Variants in DDX27 observed in about 807,000 individuals in gnomAD.
DDX27 encodes the protein DEAD-box helicase 27.
DDX27 carries 42 observed loss-of-function variants against 99.3 expected under a neutral mutation model. That is an observed-to-expected ratio of 0.42 (90% CI 0.33 to 0.55). The LOEUF (loss-of-function observed/expected upper bound fraction) is 0.55. Ranked by LOEUF, DDX27 falls within the 20% of genes least tolerant of loss-of-function variation. DDX27 has a pLI of 0.07. For synonymous variants in DDX27, 329 were observed against 353.8 expected (o/e 0.93, Z 0.79); for missense variants, 798 against 976.8 (o/e 0.82, Z 2.44).
At chr20:49,225,542 A>G (rs977826539) in intron 6 of DDX27, among the ~76,000 whole-genome samples, 2 of 124,382 alleles carry the variant, frequency 1.6e-5, no homozygotes, top group Non-Finnish European at 3.2e-5. Flanking sequence ...TGCAACCTCC[A>G]CCTCCCGGGT....
At chr20:49,228,978 A>C in intron 8 of DDX27, 90 bp downstream of exon 8, 1 of 1,248,632 alleles carries the variant, frequency 8.0e-7, no homozygotes, top group South Asian at 1.7e-5. Flanking sequence ...TGTTGGTGAC[A>C]GGTGCCAGGA....
intron 7 of DDX27, among the ~76,000 whole-genome samples, chr20:49,227,609 C>T (rs547858640): frequency 6.6e-6 from 1 of 152,200 alleles, no homozygotes; most frequent in East Asian, 1.9e-4. Context: ...TCAAGTGATA[C>T]ACCTGCCTCA....
intron 6 of DDX27, among the ~76,000 whole-genome samples, 169 bp from the exon 7 acceptor site, chr20:49,226,261 C>T (rs142531267): frequency 1.3e-5 from 2 of 152,318 alleles, no homozygotes; most frequent in East Asian, 3.9e-4. Flanking sequence ...GCTGTGTCCT[C>T]AGTGTCTAGA....
intron 12 of DDX27, 137 bp downstream of exon 12, chr20:49,235,225 A>T: frequency 3.0e-6 from 3 of 990,884 alleles, no homozygotes; most frequent in African/African-American, 3.3e-5. Context: ...GAACATTTTA[A>T]CCTAACCACT....
At position 49,236,581 on chromosome 20, in the gene DDX27, G is replaced by A. The variant is rs1455099947; in HGVS notation, c.1687+71G>A. The A allele has an allele frequency of 2.1e-6, 3 of 1,429,396 alleles. No individual in the cohort carries two copies. The highest frequency in any genetic ancestry group is 2.5e-5 in the East Asian group (1 of 40,272). 88.5% of individuals were successfully genotyped at this position (1,429,396 alleles called of 1,614,324 possible). On this transcript the variant is annotated intron_variant, in intron 14 of 20. Coordinates refer to ENST00000618172, the MANE Select transcript of DDX27 (RefSeq NM_017895.8). This position sits in a 1 kb window ranked among gnomAD's most constrained non-coding sequence, Gnocchi z 4.1. ...GGCAAGGACAGAGTGTAATGGCTGA[G>A]AGCAGGTACTTTGCAGTTCAGAGCC... is the stretch of plus-strand genomic sequence containing the variant.
rs1425516244 is a variant in DDX27 at position 49,226,443 on chromosome 20, T to C, written c.614T>C (p.Met205Thr). Residue 205 changes from methionine to threonine, a missense_variant, in exon 7 of 21, where the codon ATG becomes ACG. By Grantham distance (81) the Met-to-Thr change is moderately conservative. Around this residue, in one of 2 missense-constraint regions of DDX27, gnomAD observed 245 missense variants for 248.8 expected, o/e 0.98. Transcript: ENST00000618172. ...SRPLLKAITA[M>T]GFKQPTPIQK... is the part of the protein sequence containing the mutation. ...TTTTTTCCTCAGGCCATTACAGCCA[T>C]GGGCTTCAAGCAGCCCACCCCGATC... The C allele has an allele frequency of 2.5e-6, 4 of 1,613,748 alleles. No individual in the cohort carries two copies. The African/African-American group carries it at 5.3e-5, about 22-fold the overall frequency.
intron 18 of DDX27, 62 bp from the exon 19 acceptor site, chr20:49,242,532 T>G: frequency 2.7e-6 from 4 of 1,504,452 alleles, no homozygotes; most frequent in Non-Finnish European, 3.7e-6. Flanking sequence ...ACCTTGAACT[T>G]AAGGGGATTT....
At chr20:49,229,112 A>G (rs1980008551) in intron 8 of DDX27, among the ~76,000 whole-genome samples, 1 of 140,176 alleles carries the variant, frequency 7.1e-6, no homozygotes, top group Non-Finnish European at 1.5e-5. Flanking sequence ...ATCTTGGCTC[A>G]CTGCAAGCTC....
At chr20:49,224,774 G>A (rs1354947447) in intron 4 of DDX27, 171 bp from the exon 5 acceptor site, 1 of 668,450 alleles carries the variant, frequency 1.5e-6, no homozygotes, top group Admixed American at 2.9e-5. Flanking sequence ...TCTGACCTTA[G>A]GCAAGTTACT....
Position 49,239,324 on chromosome 20 carries a change from G to C in DDX27, c.1883G>C (p.Arg628Thr). The C allele has an allele frequency of 6.2e-7, 1 of 1,610,320 alleles. No homozygotes were observed. Among genetic ancestry groups the C allele is most frequent in the Non-Finnish European group, 8.5e-7 (1 of 1,177,688 alleles). The change falls in exon 16 of 21, where the codon AGG (arginine) becomes ACG (threonine). Residue 628 changes from arginine (R) to threonine (T), a missense_variant. Physicochemically the swap from Arg to Thr is moderately conservative, Grantham distance 71 (BLOSUM62 -1). Around this residue, in one of 2 missense-constraint regions of DDX27, gnomAD observed 553 missense variants for 727.9 expected, o/e 0.76. Transcript: ENST00000618172. The stretch of plus-strand genomic sequence containing the variant: ...AGCTGGTTCCAGACCAAAGAAGAGA[G>C]GAAGAAGGAGAAAAGTAAGTCAGGG... ...ERSWFQTKEE[R>T]KKEKIAKALQ...
rs776204896 is a variant in DDX27 at position 49,242,170 on chromosome 20, C to T, written c.2080C>T (p.Arg694Ter). Residue 694 changes from arginine to a stop codon, truncating the protein, a stop_gained, in exon 18 of 21, where the codon CGA becomes TGA. Transcript: ENST00000618172. LOFTEE classifies it high-confidence loss of function. The stretch of plus-strand genomic sequence containing the variant: ...GAGGAATCGCAGAGCCAAGCGGGCC[C>T]GAGCAATGCCCGAGGAGGAGCCAGT... ...AKRNRRAKRA[R>*]AMPEEEPVRG... The T allele has an allele frequency of 2.5e-6, 4 of 1,613,986 alleles. No homozygotes were observed. The highest frequency in any genetic ancestry group is 3.4e-6 in the Non-Finnish European group (4 of 1,179,986).
intron 4 of DDX27, chr20:49,224,653 G>C (rs890965022): frequency 1.3e-5 from 4 of 318,976 alleles, no homozygotes; most frequent in Non-Finnish European, 2.3e-5. Flanking sequence ...GGGAGCCACT[G>C]CTTCCGCCCT....
intron 4 of DDX27, among the ~76,000 whole-genome samples, chr20:49,223,670 C>T (rs924893895): frequency 4.6e-5 from 7 of 151,574 alleles, no homozygotes; most frequent in Non-Finnish European, 8.8e-5. Context: ...CGCTTGAAGC[C>T]AGGAGTTTGA....
Position 49,234,849 on chromosome 20 carries a change from G to T in DDX27, c.1274-86G>T, listed in dbSNP as rs1209157974. Reference sequence around the variant, plus strand: ...GCCTGTCTATCCAGTGCCAGGCACAGTGACCATACTTTGTGGATGAGGAGG... The same window carrying T: ...GCCTGTCTATCCAGTGCCAGGCACATTGACCATACTTTGTGGATGAGGAGG... On this transcript the variant is annotated intron_variant, in intron 11 of 20. Coordinates refer to ENST00000618172, the MANE Select transcript of DDX27 (RefSeq NM_017895.8). The T allele has an allele frequency of 3.4e-6, 5 of 1,469,908 alleles. No individual in the cohort carries two copies. The East Asian group carries it at 1.2e-4, about 35-fold the overall frequency. 91.1% of individuals were successfully genotyped at this position (1,469,908 alleles called of 1,614,324 possible).
Position 49,241,905 on chromosome 20 carries a change from T to C in DDX27, c.1910T>C (p.Leu637Pro), listed in dbSNP as rs769640762. ...ERKKEKIAKA[L>P]QEFDLALRGK... ...CTTCTCATCCCAGTTGCCAAAGCTC[T>C]GCAGGAATTTGACTTGGCCTTAAGA... Residue 637 changes from leucine (L) to proline (P), a missense_variant, in exon 17 of 21, where the codon CTG (leucine) becomes CCG (proline). Around this residue, in one of 2 missense-constraint regions of DDX27, gnomAD observed 553 missense variants for 727.9 expected, o/e 0.76. Coordinates refer to ENST00000618172, the MANE Select transcript of DDX27 (RefSeq NM_017895.8). 7 of 1,614,120 alleles carry C rather than the reference T, an allele frequency of 4.3e-6. No homozygotes were observed. The highest frequency in any genetic ancestry group is 3.4e-6 in the Non-Finnish European group (4 of 1,180,036).
chr20:49,223,590 A>G (rs1253354361), intron 4 of DDX27, among the ~76,000 whole-genome samples, 157 bp downstream of exon 4: 2 of 147,424 alleles, frequency 1.4e-5, no homozygotes, highest in Admixed American at 1.4e-4. Flanking sequence ...TTTTTTTTTA[A>G]GAGATGTTGG....
At chr20:49,224,873 G>A (rs1979820143) in intron 4 of DDX27, 72 bp from the exon 5 acceptor site, 28 of 1,560,128 alleles carry the variant, frequency 1.8e-5, no homozygotes, top group Non-Finnish European at 2.4e-5. Context: ...TTGGCACTTA[G>A]GACAGTGTCC....
chr20:49,225,091 C>G, intron 5 of DDX27, 22 bp from the exon 6 acceptor site: 1 of 1,612,520 alleles, frequency 6.2e-7, no homozygotes, highest in Non-Finnish European at 8.5e-7. Context: ...ATTCTCTTCT[C>G]TCTTTTGGTT....
At position 49,236,283 on chromosome 20, in the gene DDX27, T is replaced by G; in HGVS notation, c.1510-50T>G. On this transcript the variant is annotated intron_variant, in intron 13 of 20. Coordinates refer to ENST00000618172, the MANE Select transcript of DDX27 (RefSeq NM_017895.8). The surrounding 1 kb of genome is among the most constrained non-coding windows in gnomAD (Gnocchi z 4.1). The stretch of plus-strand genomic sequence containing the variant: ...TTTTGGTGGAAGTCTTTTTGCCTCT[T>G]CGCACCCCCCTTCCCTTGCCAGGCC... The G allele has an allele frequency of 1.3e-6, 2 of 1,575,366 alleles. No individual in the cohort carries two copies. The highest frequency in any genetic ancestry group is 1.7e-6 in the Non-Finnish European group (2 of 1,158,244).
Sources: allele counts gnomAD v4.1 joint callset (sites outside exome capture counted in the v4.1 genomes callset), GRCh38; gene constraint gnomAD v4.1.1; regional missense constraint gnomAD v4.1.1; non-coding constraint Gnocchi (gnomAD v3.1); transcripts MANE v1.5; gene names NCBI Gene and HGNC (gene_info 2026-07-23, HGNC 2026-07-21).